Variants in RMND1 observed in about 807,000 individuals in gnomAD.
RMND1 encodes required for meiotic nuclear division 1 homolog, also known as required for meiotic nuclear division protein 1 homolog.
In RMND1, 41 loss-of-function variants were observed where a neutral mutation model predicts 54.0. The ratio of observed to expected loss-of-function variants is 0.76; its 90% confidence interval spans 0.59 to 0.98. The LOEUF is 0.98. Among genes scored for constraint, RMND1 ranks in the 50% least tolerant of loss-of-function variants. RMND1 has a pLI of 0.00. For missense variants in RMND1, 457 were observed against 532.0 expected, an observed-to-expected ratio of 0.86 and a Z score of 1.39; for synonymous variants, 183 against 181.7, an observed-to-expected ratio of 1.01 and a Z score of -0.06.
intron 6 of RMND1, among the ~76,000 whole-genome samples, chr6:151,424,542 A>G (rs1048395628): frequency 1.8e-4 from 28 of 152,248 alleles, no homozygotes; most frequent in African/African-American, 6.0e-4. Context: ...TGGCTCAGTA[A>G]TAGTCACTCC....
At chr6:151,430,684 C>T (rs2114950172) in intron 4 of RMND1, among the ~76,000 whole-genome samples, 1 of 152,322 alleles carries the variant, frequency 6.6e-6, no homozygotes, top group Middle Eastern at 3.4e-3. Flanking sequence ...AACAGAACTA[C>T]AGTGACACCA....
Position 151,405,286 on chromosome 6 carries a change from A to G in RMND1, c.1318-19T>C. On this transcript the variant is annotated intron_variant, in intron 11 of 11. Transcript: ENST00000444024. Reference sequence around the variant, plus strand: ...ACATTACCTTAGAATAGAAAGTGAGAATTATTTCATGACGGGCAAATTATG... The same window carrying G: ...ACATTACCTTAGAATAGAAAGTGAGGATTATTTCATGACGGGCAAATTATG... 1 of 1,610,526 alleles carries G rather than the reference A, an allele frequency of 6.2e-7. No homozygotes were observed. The highest frequency in any genetic ancestry group is 8.5e-7 in the Non-Finnish European group (1 of 1,177,008).
chr6:151,446,234 G>A (rs1044498476), intron 1 of RMND1, among the ~76,000 whole-genome samples: 3 of 152,006 alleles, frequency 2.0e-5, no homozygotes, highest in Non-Finnish European at 4.4e-5. Flanking sequence ...ACCAGCTGAG[G>A]CAACATGGTG....
intron 1 of RMND1, among the ~76,000 whole-genome samples, chr6:151,451,373 A>G (rs530400070): frequency 2.0e-4 from 31 of 152,344 alleles, no homozygotes; most frequent in African/African-American, 7.2e-4. Flanking sequence ...TGCTGACAAT[A>G]CAGCTGAAAA....
intron 10 of RMND1, among the ~76,000 whole-genome samples, chr6:151,412,790 A>G (rs147913646): frequency 6.6e-6 from 1 of 152,256 alleles, no homozygotes; most frequent in African/African-American, 2.4e-5. Flanking sequence ...AGAGCGAACA[A>G]GGGGAGATGC....
chr6:151,437,257 G>A (rs1562797060), intron 2 of RMND1, among the ~76,000 whole-genome samples: 1 of 152,144 alleles, frequency 6.6e-6, no homozygotes, highest in African/African-American at 2.4e-5. Context: ...GCCCAAAACA[G>A]CTTTTTTAAT....
At chr6:151,407,275 G>C (rs958968122) in intron 10 of RMND1, among the ~76,000 whole-genome samples, 4 of 152,090 alleles carry the variant, frequency 2.6e-5, no homozygotes, top group African/African-American at 7.2e-5. Flanking sequence ...TAGATGTGTA[G>C]AGCATGCCTC....
At position 151,423,851 on chromosome 6, in the gene RMND1, CT is replaced by C. The variant is rs34456849; in HGVS notation, c.831-221del. Among the ~76,000 whole-genome samples, 14,327 of 140,036 alleles carry C rather than the reference CT, an allele frequency of 0.1. 1,940 individuals carry two copies. Among genetic ancestry groups the C allele is most frequent in the African/African-American group, 0.33 (12,453 of 38,118 alleles). 91.9% of individuals were successfully genotyped at this position (140,036 alleles called of 152,430 possible). A position where few individuals can be genotyped will look rare whatever the true frequency, so the allele number is the denominator to read the frequency against. On this transcript the variant is annotated intron_variant, in intron 6 of 11. Coordinates refer to ENST00000444024, the MANE Select transcript of RMND1 (RefSeq NM_017909.4). ...AAAGAAAAATTTGTATACAAGAAAA[CT>C]TTTTTTTTTTTTTTTGAGACAGTCT...
intron 3 of RMND1, chr6:151,436,223 C>A: frequency 2.1e-6 from 1 of 467,142 alleles, no homozygotes; most frequent in Non-Finnish European, 3.8e-6. Flanking sequence ...AATAATGATC[C>A]TATAAATAAT....
rs904508326 is a variant in RMND1, at chr6:151,405,325, A to G, written c.1318-58T>C. The G allele has an allele frequency of 8.9e-6, 13 of 1,454,806 alleles. 1 individual carries two copies. The African/African-American group carries it at 9.8e-5, about 11-fold the overall frequency. The allele number at this position is 1,454,806 out of a possible 1,614,324, so 90.1% of individuals were successfully genotyped here. The stretch of plus-strand genomic sequence containing the variant: ...GGGCAAATTATGGGTACAAACTAAA[A>G]TGACTTCCAAGATTGTGATTAATGA... On this transcript the variant is annotated intron_variant, in intron 11 of 11. Transcript: ENST00000444024.
At chr6:151,438,879 T>G (rs1365512663) in intron 2 of RMND1, among the ~76,000 whole-genome samples, 1 of 151,820 alleles carries the variant, frequency 6.6e-6, no homozygotes, top group Non-Finnish European at 1.5e-5. Context: ...TTTGGGAGGC[T>G]GAGGCGGATG....
At chr6:151,448,879 C>T (rs1008149358) in intron 1 of RMND1, among the ~76,000 whole-genome samples, 1 of 152,094 alleles carries the variant, frequency 6.6e-6, no homozygotes, top group Middle Eastern at 3.4e-3. Flanking sequence ...GAGTTCCAGA[C>T]CAGCCTGGCC....
chr6:151,434,579 C>T (rs554356082), intron 3 of RMND1, among the ~76,000 whole-genome samples: 2 of 152,288 alleles, frequency 1.3e-5, no homozygotes, highest in Middle Eastern at 6.8e-3. Context: ...GCCAACAATA[C>T]CTCCAGGCAA....
At chr6:151,443,913 G>A (rs1431792914) in intron 2 of RMND1, among the ~76,000 whole-genome samples, 1 of 152,052 alleles carries the variant, frequency 6.6e-6, no homozygotes, top group Non-Finnish European at 1.5e-5. Context: ...TTCATTTCAG[G>A]TACTTCATAA....
At chr6:151,428,154 T>C (rs1033826908) in intron 5 of RMND1, among the ~76,000 whole-genome samples, 3 of 152,052 alleles carry the variant, frequency 2.0e-5, no homozygotes, top group Non-Finnish European at 2.9e-5. Flanking sequence ...AAGCCCAACA[T>C]ACTAATAAAA....
At chr6:151,443,149 G>A (rs941031870) in intron 2 of RMND1, among the ~76,000 whole-genome samples, 7 of 152,126 alleles carry the variant, frequency 4.6e-5, no homozygotes, top group Non-Finnish European at 7.3e-5. Context: ...TATGATGGCC[G>A]TATAAAAATG....
chr6:151,436,460 G>C lies in RMND1; in HGVS notation c.599C>G (p.Thr200Arg). 1 of 1,613,934 alleles carries C rather than the reference G, an allele frequency of 6.2e-7. No homozygotes were observed. Among genetic ancestry groups the C allele is most frequent in the East Asian group, 2.2e-5 (1 of 44,864 alleles). ...DLASHGYVEV[T>R]SLPRDAANIL... ...AGAAGAAGTACCTCTAGGCAAGCTT[G>C]TTACTTCAACATATCCGTGGGAGGC... The change falls in exon 3 of 12, where the codon ACA (threonine) becomes AGA (arginine). Residue 200 changes from threonine to arginine, a missense_variant. By Grantham distance (71) the Thr-to-Arg change is moderately conservative. Coordinates refer to ENST00000444024, the MANE Select transcript of RMND1 (RefSeq NM_017909.4).
chr6:151,419,312 G>C (rs1582948991), intron 9 of RMND1, among the ~76,000 whole-genome samples: 1 of 151,366 alleles, frequency 6.6e-6, no homozygotes, highest in Non-Finnish European at 1.5e-5. Context: ...CAATCCACCT[G>C]TCTCAGCCTC....
chr6:151,416,332 G>A (rs1780005513), intron 10 of RMND1, among the ~76,000 whole-genome samples: 1 of 150,982 alleles, frequency 6.6e-6, no homozygotes, highest in African/African-American at 2.4e-5. Flanking sequence ...GTGGCAAAAT[G>A]TCACAGAACT....
Sources: gnomAD v4.1 joint callset for allele counts (sites outside exome capture counted in the v4.1 genomes callset) on GRCh38, gnomAD v4.1.1 for gene constraint, MANE v1.5 for transcripts, NCBI Gene and HGNC (gene_info 2026-07-23, HGNC 2026-07-21) for gene names.